FBXO11: variants seen among roughly 807,000 people sequenced by gnomAD.
FBXO11 encodes F-box protein 11, also known as F-box only protein 11.
Under a neutral mutation model 117.0 loss-of-function variants are expected in FBXO11, and 13 were observed. The observed-to-expected ratio is 0.11, with a 90% CI of 0.07 to 0.18. The LOEUF (loss-of-function observed/expected upper bound fraction) is 0.18, where lower values mean the gene tolerates loss of function less well. FBXO11 is among the 10% of genes least tolerant of loss of function. FBXO11 has a pLI of 1.00. For synonymous variants in FBXO11, 490 were observed against 380.5 expected (o/e 1.29, Z -3.35); for missense variants, 767 against 1,164.4 (o/e 0.66, Z 4.97).
chr2:47,841,308 GA>G (rs1672994342), intron 1 of FBXO11, among the ~76,000 whole-genome samples: 1 of 152,198 alleles, frequency 6.6e-6, no homozygotes, highest in South Asian at 2.1e-4. Context: ...AGTATTAGAT[GA>G]GGGGAAGCTT....
intron 1 of FBXO11, among the ~76,000 whole-genome samples, chr2:47,886,430 C>G (rs1009258412): frequency 1.3e-5 from 2 of 149,832 alleles, no homozygotes; most frequent in African/African-American, 2.5e-5. Context: ...CGCTTGAACC[C>G]GGGAGGTGGA....
rs764627779 is a variant in FBXO11, at chr2:47,809,284, A to G, written c.2447-18T>C. 4.1e-5 allele frequency: 59 copies of G among 1,438,962 alleles called. No individual in the cohort carries two copies. Among genetic ancestry groups the G allele is most frequent in the Non-Finnish European group, 5.5e-5 (57 of 1,039,282 alleles). 89.1% of individuals were successfully genotyped at this position (1,438,962 alleles called of 1,614,324 possible). A position where few individuals can be genotyped will look rare whatever the true frequency, so the allele number is the denominator to read the frequency against. Reference sequence around the variant, plus strand: ...TTTGTTATCTGTAATAAAAGAAAGAATAAGTAAAAATTCAGAGGAATGTTA... The same window carrying G: ...TTTGTTATCTGTAATAAAAGAAAGAGTAAGTAAAAATTCAGAGGAATGTTA... On this transcript the variant is annotated intron_variant, in intron 20 of 22. Transcript: ENST00000403359.
In FBXO11 at chr2:47,809,594, A is replaced by G. The variant is rs776226469; in HGVS notation, c.2446+6T>C. ...ATATTTATAGGTATAGCAGACTCCA[A>G]CATACCTTTCATTGTCACATTAACA... On this transcript the variant is annotated splice_donor_region_variant and intron_variant, in intron 20 of 22. Coordinates refer to ENST00000403359, the MANE Select transcript of FBXO11 (RefSeq NM_001190274.2). 7.5e-6 allele frequency: 12 copies of G among 1,599,922 alleles called. No homozygotes were observed. In the South Asian group the frequency reaches 9.9e-5, roughly 13 times the overall value.
At chr2:47,905,064 G>C (rs1370280827) in intron 1 of FBXO11, 1 of 154,010 alleles carries the variant, frequency 6.5e-6, no homozygotes, top group Non-Finnish European at 1.4e-5. Context: ...CCCACCACCC[G>C]ATCGCTCCCA....
At position 47,834,921 on chromosome 2, in the gene FBXO11, A is replaced by G. The variant is rs746959816; in HGVS notation, c.718-50T>C. 7.0e-6 allele frequency: 9 copies of G among 1,292,204 alleles called. No individual in the cohort carries two copies. In the African/African-American group the frequency reaches 9.0e-5, roughly 13 times the overall value. 80.0% of individuals were successfully genotyped at this position (1,292,204 alleles called of 1,614,324 possible). A position where few individuals can be genotyped will look rare whatever the true frequency, so the allele number is the denominator to read the frequency against. The stretch of plus-strand genomic sequence containing the variant: ...ACCATTGACTACTAACATAAACCTT[A>G]TATTTAAATTAATGTACAATTGCAT... On this transcript the variant is annotated intron_variant, in intron 5 of 22. Transcript: ENST00000403359.
chr2:47,880,019 G>A (rs1231706828), intron 1 of FBXO11, among the ~76,000 whole-genome samples: 3 of 150,210 alleles, frequency 2.0e-5, no homozygotes, highest in Non-Finnish European at 3.0e-5. Context: ...TTTTGGAAAC[G>A]GGGTCTCACT....
intron 20 of FBXO11, 25 bp from the exon 21 acceptor site, chr2:47,809,291 A>G (rs760234770): frequency 2.7e-5 from 37 of 1,395,044 alleles, no homozygotes; most frequent in Non-Finnish European, 3.6e-5. Context: ...AGAATAAGTA[A>G]AAATTCAGAG....
intron 4 of FBXO11, 126 bp from the exon 5 acceptor site, chr2:47,836,127 T>A: frequency 3.4e-6 from 2 of 584,444 alleles, no homozygotes; most frequent in South Asian, 5.1e-5. Context: ...TAGACAAAAA[T>A]GAATATTAAA....
chr2:47,809,110 G>C, intron 21 of FBXO11, 48 bp downstream of exon 21: 2 of 1,218,362 alleles, frequency 1.6e-6, no homozygotes, highest in East Asian at 2.4e-5. Context: ...AATTTAAAAA[G>C]GAAATCAGTC....
At chr2:47,825,334 C>T (rs1318346540) in intron 11 of FBXO11, among the ~76,000 whole-genome samples, 1 of 151,946 alleles carries the variant, frequency 6.6e-6, no homozygotes, top group African/African-American at 2.4e-5. Context: ...AAATATAAAA[C>T]TTTTTCTTTG....
chr2:47,898,393 A>G (rs1677838866), intron 1 of FBXO11, among the ~76,000 whole-genome samples: 1 of 152,224 alleles, frequency 6.6e-6, no homozygotes, highest in Admixed American at 6.5e-5. Context: ...TGAGAAAAGA[A>G]TATTTAGTCC....
chr2:47,841,454 A>G (rs1214579941), intron 1 of FBXO11, among the ~76,000 whole-genome samples: 5 of 152,174 alleles, frequency 3.3e-5, no homozygotes, highest in Non-Finnish European at 7.3e-5. Context: ...AGTAGTGTAT[A>G]TATCTCCTAT....
intron 11 of FBXO11, 127 bp downstream of exon 11, chr2:47,832,222 C>G: frequency 1.5e-6 from 1 of 672,260 alleles, no homozygotes; most frequent in Non-Finnish European, 2.3e-6. Flanking sequence ...AAAAATAATG[C>G]TGAAATTGCT....
At chr2:47,836,418 G>A (rs972856147) in intron 4 of FBXO11, among the ~76,000 whole-genome samples, 13 of 151,918 alleles carry the variant, frequency 8.6e-5, no homozygotes, top group Admixed American at 2.0e-4. Context: ...ACCCAGGCTG[G>A]AGTGCAGTGC....
chr2:47,870,140 T>C (rs1334910100), intron 1 of FBXO11, among the ~76,000 whole-genome samples: 1 of 152,238 alleles, frequency 6.6e-6, no homozygotes, highest in Non-Finnish European at 1.5e-5. Context: ...CCATCAGCTC[T>C]CCTGAGTGTC....
Position 47,809,162 on chromosome 2 carries a change from A to C in FBXO11, c.2551T>G (p.Tyr851Asp). The C allele has an allele frequency of 1.3e-6, 2 of 1,555,206 alleles. No individual in the cohort carries two copies. The highest frequency in any genetic ancestry group is 1.8e-6 in the Non-Finnish European group (2 of 1,138,278). Residue 851 changes from tyrosine (Y) to aspartate (D), a missense_variant, in exon 21 of 23, where the codon TAC becomes GAC. This residue lies in a region of FBXO11 where 47 missense variants were observed against 117.3 expected (regional missense o/e 0.40). Transcript: ENST00000403359. ...TCAAATATATTTCTAAGTTACCTGT[A>C]GAAATCATGCATGGGATAGCTGGTA... Reference protein sequence around the residue: ...SYTSYPMHDFYRCHTCNTTDR... With the variant: ...SYTSYPMHDFDRCHTCNTTDR...
chr2:47,837,615 T>G (rs895032750), intron 4 of FBXO11, among the ~76,000 whole-genome samples: 9 of 152,352 alleles, frequency 5.9e-5, no homozygotes, highest in African/African-American at 2.2e-4. Flanking sequence ...CAAAGAAGTG[T>G]AAAGAACTAT....
chr2:47,806,930 A>ATAAACTTTATTTTT lies in FBXO11; in HGVS notation c.*1174_*1187dup, dbSNP rs1277049941. 2.6e-6 allele frequency: 3 copies of ATAAACTTTATTTTT among 1,155,408 alleles called. No homozygotes were observed. Among genetic ancestry groups the ATAAACTTTATTTTT allele is most frequent in the Non-Finnish European group, 3.9e-6 (3 of 777,470 alleles). 71.6% of individuals were successfully genotyped at this position (1,155,408 alleles called of 1,614,324 possible). A position where few individuals can be genotyped will look rare whatever the true frequency, so the allele number is the denominator to read the frequency against. ...TAAATTCAGACAACATTATGATCTA[A>ATAAACTTTATTTTT]TAAACTTTATTTTTTAAAAATGACC... is the stretch of plus-strand genomic sequence containing the variant. On this transcript the variant is annotated 3_prime_UTR_variant, in exon 23 of 23. Coordinates refer to ENST00000403359, the MANE Select transcript of FBXO11 (RefSeq NM_001190274.2).
chr2:47,841,653 A>G (rs1320136304), intron 1 of FBXO11, among the ~76,000 whole-genome samples: 2 of 152,008 alleles, frequency 1.3e-5, no homozygotes, highest in East Asian at 1.9e-4. Flanking sequence ...TATTATTATT[A>G]TTATTTGAGA....
Sources: gnomAD v4.1 joint callset for allele counts (sites outside exome capture counted in the v4.1 genomes callset) on GRCh38, gnomAD v4.1.1 for gene constraint, gnomAD v4.1.1 regional missense constraint, MANE v1.5 for transcripts, NCBI Gene and HGNC (gene_info 2026-07-23, HGNC 2026-07-21) for gene names.